CNNM2: variants seen among roughly 807,000 people sequenced by gnomAD.
The protein encoded by CNNM2 is metal transporter CNNM2.
In CNNM2, 12 loss-of-function variants were observed where a neutral mutation model predicts 66.9. The observed-to-expected ratio is 0.18, with a 90% CI of 0.11 to 0.29. CNNM2 has a LOEUF of 0.29. Among genes scored for constraint, CNNM2 ranks in the 10% least tolerant of loss-of-function variants. CNNM2 has a pLI of 1.00. For missense variants in CNNM2, 705 were observed against 1,167.7 expected (o/e 0.60, Z 5.77); for synonymous variants, 557 against 501.8 (o/e 1.11, Z -1.47).
At chr10:102,973,219 A>G (rs1391984531) in intron 1 of CNNM2, among the ~76,000 whole-genome samples, 2 of 151,052 alleles carry the variant, frequency 1.3e-5, no homozygotes, top group East Asian at 1.9e-4. Flanking sequence ...TAAGTTTTAT[A>G]TACTGCTGCC....
At chr10:103,069,656 G>C (rs150414240) in intron 5 of CNNM2, among the ~76,000 whole-genome samples, 14 of 152,314 alleles carry the variant, frequency 9.2e-5, no homozygotes, top group African/African-American at 3.4e-4. Context: ...AGCCAGATGT[G>C]CTCTCAGACA....
Position 103,068,844 on chromosome 10 carries a change from T to A in CNNM2, c.2167+122T>A. 3 of 705,272 alleles carry A rather than the reference T, an allele frequency of 4.3e-6. No homozygotes were observed. In the South Asian group the frequency reaches 5.9e-5, roughly 14 times the overall value. The allele number at this position is 705,272 out of a possible 1,614,324, so 43.7% of individuals were successfully genotyped here. On this transcript the variant is annotated intron_variant, in intron 5 of 7. Coordinates refer to ENST00000369878, the MANE Select transcript of CNNM2 (RefSeq NM_017649.5). ...ATTCACTTCCTTTTTGAACTTTTTT[T>A]TTGAAGTATATCATATATGCAGAAA...
intron 1 of CNNM2, among the ~76,000 whole-genome samples, chr10:102,931,637 G>T (rs573585660): frequency 6.6e-6 from 1 of 152,194 alleles, no homozygotes; most frequent in African/African-American, 2.4e-5. Flanking sequence ...GATTCCAGGC[G>T]TGAGTCACAG....
At chr10:103,041,414 TG>T (rs1367757145) in intron 1 of CNNM2, among the ~76,000 whole-genome samples, 1 of 152,136 alleles carries the variant, frequency 6.6e-6, no homozygotes, top group Non-Finnish European at 1.5e-5. Context: ...AATCTAATGG[TG>T]TCATGTTCAG....
At chr10:103,064,204 A>G (rs2065437005) in intron 4 of CNNM2, among the ~76,000 whole-genome samples, 1 of 152,258 alleles carries the variant, frequency 6.6e-6, no homozygotes, top group African/African-American at 2.4e-5. Context: ...CTAAGTGCTG[A>G]GATATTTTAA....
intron 1 of CNNM2, among the ~76,000 whole-genome samples, chr10:102,979,477 CAT>C (rs1489350217): frequency 1.3e-5 from 2 of 152,202 alleles, no homozygotes; most frequent in Admixed American, 1.3e-4. Context: ...AGGTCACTAA[CAT>C]ATGTAAAATA....
intron 1 of CNNM2, among the ~76,000 whole-genome samples, chr10:102,959,563 C>T (rs1394204770): frequency 6.6e-6 from 1 of 152,096 alleles, no homozygotes; most frequent in East Asian, 1.9e-4. Context: ...CTGTAAGCCT[C>T]AGCTTCCTCA....
At chr10:102,987,680 G>A (rs920805791) in intron 1 of CNNM2, among the ~76,000 whole-genome samples, 4 of 151,926 alleles carry the variant, frequency 2.6e-5, no homozygotes, top group African/African-American at 9.7e-5. Context: ...TAATTTATAA[G>A]TAAATATAAA....
rs1390109881 is a variant in CNNM2, at chr10:102,919,113, C to G, written c.633C>G (p.Ala211=). Residue 211 remains alanine (A), a synonymous_variant, in exon 1 of 8, where the codon GCC becomes GCG. Transcript: ENST00000369878. The part of the protein sequence containing the change: ...GAGGSGSTGG[A]VGGKGGSGVA... ...GCGGCTCGGGGTCCACGGGTGGCGC[C>G]GTCGGGGGCAAGGGTGGCTCGGGGG... 1 of 1,610,554 alleles carries G rather than the reference C, an allele frequency of 6.2e-7. No homozygotes were observed. The highest frequency in any genetic ancestry group is 1.7e-5 in the Admixed American group (1 of 59,906).
chr10:102,990,484 A>G (rs149492747), intron 1 of CNNM2, among the ~76,000 whole-genome samples: 8 of 152,342 alleles, frequency 5.3e-5, no homozygotes, highest in African/African-American at 1.9e-4. Flanking sequence ...AGTAAGTGGT[A>G]TAGATGAATA....
chr10:103,006,529 C>T (rs996788883), intron 1 of CNNM2, among the ~76,000 whole-genome samples: 1 of 152,012 alleles, frequency 6.6e-6, no homozygotes, highest in Non-Finnish European at 1.5e-5. Flanking sequence ...GTATAGCTCC[C>T]CTTCATCAGA....
At chr10:102,981,237 C>T (rs12779066) in intron 1 of CNNM2, among the ~76,000 whole-genome samples, 1 of 151,948 alleles carries the variant, frequency 6.6e-6, no homozygotes, top group Non-Finnish European at 1.5e-5. Context: ...GTGGTTCCAG[C>T]TACTTGAGAG....
chr10:102,959,264 A>G (rs1460766027), intron 1 of CNNM2, among the ~76,000 whole-genome samples: 4 of 152,188 alleles, frequency 2.6e-5, no homozygotes, highest in Admixed American at 6.5e-5. Flanking sequence ...ATTTACCCAT[A>G]TAACTACACG....
At chr10:103,028,814 CTTTTTTTTTTTTTCTTTTTT>C (rs1227799282) in intron 1 of CNNM2, among the ~76,000 whole-genome samples, 3 of 126,182 alleles carry the variant, frequency 2.4e-5, no homozygotes, top group African/African-American at 6.0e-5. Context: ...TTTTCTTTTT[CTTTTTTTTTTTTTCTTTTTT>C]TTTTTTTTGA....
intron 1 of CNNM2, among the ~76,000 whole-genome samples, chr10:102,932,307 C>T (rs977617278): frequency 6.6e-6 from 1 of 151,964 alleles, no homozygotes. Flanking sequence ...GCCTTGGCCT[C>T]CCAAAGTGCT....
intron 1 of CNNM2, among the ~76,000 whole-genome samples, chr10:103,026,546 A>G (rs1224317681): frequency 1.4e-5 from 2 of 138,950 alleles, no homozygotes; most frequent in African/African-American, 5.3e-5. Flanking sequence ...GGTTGCAGTG[A>G]GCTGTGATCG....
intron 1 of CNNM2, among the ~76,000 whole-genome samples, chr10:102,960,519 G>A (rs1270167757): frequency 4.6e-5 from 7 of 152,060 alleles, no homozygotes; most frequent in South Asian, 4.1e-4. Flanking sequence ...CCTCCAGTGC[G>A]TATTTATTTA....
intron 4 of CNNM2, among the ~76,000 whole-genome samples, chr10:103,059,128 C>A (rs1388606955): frequency 6.6e-6 from 1 of 152,134 alleles, no homozygotes; most frequent in African/African-American, 2.4e-5. Flanking sequence ...CGTGCTCCAC[C>A]ACACCCGGCT....
chr10:103,003,131 T>TC (rs397825999), intron 1 of CNNM2, among the ~76,000 whole-genome samples: 3 of 149,716 alleles, frequency 2.0e-5, no homozygotes, highest in East Asian at 4.0e-4. Flanking sequence ...TTTTTTTTTT[T>TC]AATAGGAGTC....
Sources: allele counts gnomAD v4.1 joint callset (sites outside exome capture counted in the v4.1 genomes callset), GRCh38; gene constraint gnomAD v4.1.1; transcripts MANE v1.5; gene names NCBI Gene and HGNC (gene_info 2026-07-23, HGNC 2026-07-21).